The following DGKB variants were observed in gnomAD, a reference collection of about 807,000 sequenced individuals.
The protein encoded by DGKB is 90 kDa diacylglycerol kinase.
DGKB carries 67 observed loss-of-function variants against 114.3 expected under a neutral mutation model. The observed-to-expected ratio is 0.59, with a 90% confidence interval of 0.48 to 0.72. The LOEUF (loss-of-function observed/expected upper bound fraction) is 0.72. Among genes scored for constraint, DGKB ranks in the 30% least tolerant of loss-of-function variants. The pLI is 0.00. For missense variants in DGKB, 907 were observed against 975.2 expected, an observed-to-expected ratio of 0.93 and a Z score of 0.93; for synonymous variants, 398 against 323.1, an observed-to-expected ratio of 1.23 and a Z score of -2.49.
chr7:14,174,196 G>T (rs942520229), intron 25 of DGKB, among the ~76,000 whole-genome samples: 1 of 152,178 alleles, frequency 6.6e-6, no homozygotes, highest in African/African-American at 2.4e-5. Context: ...TCACAGTAAG[G>T]AGCAGAGATG....
intron 23 of DGKB, among the ~76,000 whole-genome samples, chr7:14,257,880 C>G (rs1355841426): frequency 1.3e-5 from 2 of 152,108 alleles, no homozygotes; most frequent in African/African-American, 4.8e-5. Flanking sequence ...GTGCCCACCA[C>G]CATGCTCGGC....
At chr7:14,201,361 A>T (rs548271925) in intron 23 of DGKB, among the ~76,000 whole-genome samples, 97 of 152,152 alleles carry the variant, frequency 6.4e-4, no homozygotes, top group African/African-American at 2.2e-3. Flanking sequence ...AAACATTCAG[A>T]CCATTGCAGA....
At chr7:14,697,683 A>AAAGGAAGG (rs747233094) in intron 8 of DGKB, among the ~76,000 whole-genome samples, 36 of 147,808 alleles carry the variant, frequency 2.4e-4, no homozygotes, top group African/African-American at 9.1e-4. Context: ...AAAGAAAAGA[A>AAAGGAAGG]AAGGAAGGAA....
rs143687432 is a variant in DGKB at position 14,588,992 on chromosome 7, C to T, written c.1434-5855G>A. Among the ~76,000 whole-genome samples the T allele has an allele frequency of 6.2e-3, 947 of 152,016 alleles. 10 individuals are homozygous for T. The highest frequency in any genetic ancestry group is 0.021 in the African/African-American group (887 of 41,502). On this transcript the variant is annotated intron_variant, in intron 17 of 25. Coordinates refer to ENST00000402815, the MANE Select transcript of DGKB (RefSeq NM_001350709.2). ...TATTAATTTTGGGAGAAATAACACA[C>T]GTATAATATGAATTAAGTTTCCTTA...
intron 10 of DGKB, 23 bp downstream of exon 10, chr7:14,685,222 C>T: frequency 1.3e-6 from 2 of 1,511,930 alleles, no homozygotes; most frequent in Non-Finnish European, 1.8e-6. Flanking sequence ...GAGATGATGT[C>T]CAGGCAGAGC....
At chr7:14,967,654 A>T (rs1379313295) in intron 1 of DGKB, among the ~76,000 whole-genome samples, 2 of 118,576 alleles carry the variant, frequency 1.7e-5, no homozygotes, top group African/African-American at 4.0e-5. Flanking sequence ...TGATTTATTA[A>T]AAAAAAAAAA....
chr7:14,334,395 TGC>T (rs10599612), intron 23 of DGKB, among the ~76,000 whole-genome samples: 28,709 of 88,528 alleles, frequency 0.32, 3,059 homozygotes, highest in East Asian at 0.44. Flanking sequence ...TGTGTGTGTG[TGC>T]GCGCGCGTGT....
intron 21 of DGKB, among the ~76,000 whole-genome samples, chr7:14,456,994 AAC>A (rs71900607): frequency 0.11 from 16,989 of 152,068 alleles, 1,182 homozygotes; most frequent in East Asian, 0.22. Flanking sequence ...CAGGTTTTTC[AAC>A]AGTTTCCTAC....
chr7:14,262,718 G>A (rs2128415725), intron 23 of DGKB, among the ~76,000 whole-genome samples: 1 of 152,170 alleles, frequency 6.6e-6, no homozygotes, highest in African/African-American at 2.4e-5. Flanking sequence ...GAGGATGAAG[G>A]GGCAAGATAG....
At chr7:14,804,985 A>C (rs1842618548) in intron 2 of DGKB, among the ~76,000 whole-genome samples, 1 of 151,708 alleles carries the variant, frequency 6.6e-6, no homozygotes, top group South Asian at 2.1e-4. Context: ...CTTAGAGCTG[A>C]TTTTTATTGT....
intron 21 of DGKB, among the ~76,000 whole-genome samples, chr7:14,406,061 A>G (rs183342555): frequency 2.2e-4 from 34 of 152,132 alleles, no homozygotes; most frequent in Admixed American, 7.2e-4. Context: ...GGTATATTCA[A>G]GAGAAGTTGG....
chr7:14,917,442 G>T (rs1784298197), intron 1 of DGKB, among the ~76,000 whole-genome samples: 1 of 151,732 alleles, frequency 6.6e-6, no homozygotes, highest in Non-Finnish European at 1.5e-5. Context: ...CAAAATAGAG[G>T]TCATCACTGA....
At chr7:14,740,987 A>G (rs910756031) in intron 4 of DGKB, among the ~76,000 whole-genome samples, 10 of 152,136 alleles carry the variant, frequency 6.6e-5, no homozygotes, top group Admixed American at 6.5e-4. Flanking sequence ...CTCTTTCTAG[A>G]TGAGTAGCCA....
intron 20 of DGKB, among the ~76,000 whole-genome samples, chr7:14,526,650 A>T (rs1388078241): frequency 6.6e-6 from 1 of 152,144 alleles, no homozygotes; most frequent in Non-Finnish European, 1.5e-5. Context: ...GCCATAGTGA[A>T]CTGATATTTA....
chr7:14,241,090 C>G (rs1389972307), intron 23 of DGKB, among the ~76,000 whole-genome samples: 1 of 152,072 alleles, frequency 6.6e-6, no homozygotes, highest in Non-Finnish European at 1.5e-5. Flanking sequence ...GTGTTCTGGC[C>G]TAGATTAAGC....
At chr7:14,789,718 C>T (rs1840397523) in intron 2 of DGKB, among the ~76,000 whole-genome samples, 1 of 128,492 alleles carries the variant, frequency 7.8e-6, no homozygotes, top group African/African-American at 3.7e-5. Context: ...CCACATCTGG[C>T]TAATTTAAAA....
At chr7:14,167,021 C>A (rs1784706281) in intron 25 of DGKB, among the ~76,000 whole-genome samples, 1 of 151,948 alleles carries the variant, frequency 6.6e-6, no homozygotes, top group African/African-American at 2.4e-5. Context: ...ACCATCCTGG[C>A]TAATAGGGTG....
At chr7:14,417,170 G>C (rs1393039690) in intron 21 of DGKB, among the ~76,000 whole-genome samples, 1 of 151,982 alleles carries the variant, frequency 6.6e-6, no homozygotes. Context: ...TAATGATTAG[G>C]TGTTTTCCAA....
At chr7:14,655,037 T>C (rs1815476199) in intron 13 of DGKB, among the ~76,000 whole-genome samples, 1 of 151,780 alleles carries the variant, frequency 6.6e-6, no homozygotes, top group Admixed American at 6.6e-5. Flanking sequence ...AACAAGACTA[T>C]ATGAAACTTT....
Sources: allele counts gnomAD v4.1 joint callset (sites outside exome capture counted in the v4.1 genomes callset), GRCh38; gene constraint gnomAD v4.1.1; transcripts MANE v1.5; gene names NCBI Gene and HGNC (gene_info 2026-07-23, HGNC 2026-07-21).